TAFA1: variants seen among roughly 807,000 people sequenced by gnomAD.
The protein encoded by TAFA1 is chemokine-like protein TAFA-1.
A neutral mutation model predicts 18.5 loss-of-function variants in TAFA1; 4 were observed. The ratio of observed to expected loss-of-function variants is 0.22; its 90% CI spans 0.11 to 0.49. The LOEUF (loss-of-function observed/expected upper bound fraction) is 0.49, where lower values mean the gene tolerates loss of function less well. TAFA1 is among the 20% of genes least tolerant of loss of function. The pLI, the probability that TAFA1 is intolerant of heterozygous loss-of-function variation, is 0.98. For synonymous variants in TAFA1, 56 were observed against 55.2 expected, an observed-to-expected ratio of 1.01 and a Z score of -0.06; for missense variants, 147 against 169.0, an observed-to-expected ratio of 0.87 and a Z score of 0.72.
In TAFA1 at chr3:68,503,948, T is replaced by C. The variant is rs181664427; in HGVS notation, c.260-34808T>C. Among the ~76,000 whole-genome samples, 3 of 152,278 alleles carry C rather than the reference T, an allele frequency of 2.0e-5. No homozygotes were observed. In the East Asian group the frequency reaches 5.8e-4, roughly 29 times the overall value. ...TCATCATTATATTATCATAATCATATAATTTGGATAAACTTGGGAACCACA... is the reference window on the plus strand; with the variant it reads ...TCATCATTATATTATCATAATCATACAATTTGGATAAACTTGGGAACCACA... On this transcript the variant is annotated intron_variant, in intron 3 of 4. Transcript: ENST00000478136.
intron 2 of TAFA1, among the ~76,000 whole-genome samples, chr3:68,317,411 G>T (rs906923939): frequency 4.9e-4 from 75 of 152,260 alleles, no homozygotes; most frequent in African/African-American, 1.8e-3. Context: ...TAAGGCTAAA[G>T]AACCAACTTT....
chr3:68,082,186 C>A (rs947337275), intron 2 of TAFA1, among the ~76,000 whole-genome samples: 1 of 143,462 alleles, frequency 7.0e-6, no homozygotes, highest in Non-Finnish European at 1.5e-5. Flanking sequence ...GCATGGTGTG[C>A]GCACCCACTG....
At chr3:68,469,593 A>G (rs2106943822) in intron 3 of TAFA1, among the ~76,000 whole-genome samples, 1 of 152,292 alleles carries the variant, frequency 6.6e-6, no homozygotes, top group East Asian at 1.9e-4. Flanking sequence ...GAATGGCGTG[A>G]ACCCGGGAGG....
chr3:68,100,348 G>A (rs1050918774), intron 2 of TAFA1, among the ~76,000 whole-genome samples: 4 of 152,046 alleles, frequency 2.6e-5, no homozygotes, highest in African/African-American at 7.2e-5. Flanking sequence ...AGCCGGGCAT[G>A]GTGACAGGGC....
At chr3:68,250,529 G>T (rs538892465) in intron 2 of TAFA1, among the ~76,000 whole-genome samples, 2 of 152,010 alleles carry the variant, frequency 1.3e-5, no homozygotes, top group Non-Finnish European at 2.9e-5. Flanking sequence ...AGCTATCCAG[G>T]CTTCCTAGGA....
At chr3:68,483,899 G>A (rs575566727) in intron 3 of TAFA1, among the ~76,000 whole-genome samples, 4 of 152,338 alleles carry the variant, frequency 2.6e-5, no homozygotes, top group African/African-American at 9.6e-5. Flanking sequence ...TTTAGACTGA[G>A]GTATGAAGCT....
intron 2 of TAFA1, among the ~76,000 whole-genome samples, chr3:68,167,576 C>CA (rs11395399): frequency 0.14 from 3,782 of 27,670 alleles, 274 homozygotes; most frequent in African/African-American, 0.24. Flanking sequence ...GACTCCGTCT[C>CA]AAAAAAAAAA....
rs543697053 is a variant in TAFA1, at chr3:68,078,371, T to G, written c.118+71627T>G. Reference sequence around the variant, plus strand: ...TGTTGAATAGGAGTGGTGAGAGAGGTCATCCCTGTCTTGTGCCAGTTTTCA... The same window carrying G: ...TGTTGAATAGGAGTGGTGAGAGAGGGCATCCCTGTCTTGTGCCAGTTTTCA... On this transcript the variant is annotated intron_variant, in intron 2 of 4. Coordinates refer to ENST00000478136, the MANE Select transcript of TAFA1 (RefSeq NM_213609.4). Among the ~76,000 whole-genome samples, 968 of 152,022 alleles carry G rather than the reference T, an allele frequency of 6.4e-3. 21 individuals are homozygous for G. Among genetic ancestry groups the G allele is most frequent in the Admixed American group, 0.039 (593 of 15,222 alleles).
At chr3:68,388,390 C>T (rs1047947893) in intron 2 of TAFA1, among the ~76,000 whole-genome samples, 1 of 152,098 alleles carries the variant, frequency 6.6e-6, no homozygotes, top group Non-Finnish European at 1.5e-5. Context: ...TACACAGAGG[C>T]CTCAATGTGC....
chr3:68,298,386 G>A (rs1394336825), intron 2 of TAFA1, among the ~76,000 whole-genome samples: 1 of 152,194 alleles, frequency 6.6e-6, no homozygotes, highest in Non-Finnish European at 1.5e-5. Context: ...AGCCATTTGG[G>A]GAGGGGACAT....
intron 2 of TAFA1, among the ~76,000 whole-genome samples, chr3:68,014,463 A>G (rs1158144028): frequency 6.6e-6 from 1 of 152,326 alleles, no homozygotes; most frequent in East Asian, 1.9e-4. Flanking sequence ...AAAGAGCACC[A>G]GAGTAGGAGT....
At chr3:68,415,158 G>T (rs1481588154) in intron 2 of TAFA1, among the ~76,000 whole-genome samples, 1 of 152,104 alleles carries the variant, frequency 6.6e-6, no homozygotes, top group East Asian at 1.9e-4. Flanking sequence ...TGTTTTGCAC[G>T]AGCCATTTAT....
intron 3 of TAFA1, among the ~76,000 whole-genome samples, chr3:68,525,797 C>G (rs978402311): frequency 2.0e-5 from 3 of 152,034 alleles, no homozygotes; most frequent in Admixed American, 2.0e-4. Flanking sequence ...ATCAGTCTCC[C>G]CTAGAGACTG....
At chr3:68,261,110 G>C (rs1191106883) in intron 2 of TAFA1, among the ~76,000 whole-genome samples, 2 of 151,932 alleles carry the variant, frequency 1.3e-5, no homozygotes, top group African/African-American at 4.8e-5. Context: ...CGAAGGATAT[G>C]AACAGACACT....
chr3:68,372,923 A>C (rs1217600487), intron 2 of TAFA1, among the ~76,000 whole-genome samples: 1 of 152,186 alleles, frequency 6.6e-6, no homozygotes, highest in Non-Finnish European at 1.5e-5. Context: ...ATTGCATTTA[A>C]AACGATAGTA....
chr3:68,459,135 G>A (rs2106917200), intron 3 of TAFA1, among the ~76,000 whole-genome samples: 1 of 152,266 alleles, frequency 6.6e-6, no homozygotes, highest in East Asian at 1.9e-4. Flanking sequence ...GGTGCTCCCT[G>A]GGAGGGGGGT....
At chr3:68,073,516 C>T (rs1235894117) in intron 2 of TAFA1, among the ~76,000 whole-genome samples, 1 of 152,202 alleles carries the variant, frequency 6.6e-6, no homozygotes, top group Non-Finnish European at 1.5e-5. Context: ...AAATATAGCA[C>T]TATGAGGGTG....
chr3:68,047,673 T>C (rs2106694226), intron 2 of TAFA1, among the ~76,000 whole-genome samples: 1 of 152,272 alleles, frequency 6.6e-6, no homozygotes, highest in East Asian at 1.9e-4. Context: ...GAGGGATATA[T>C]TGGCAATATT....
chr3:68,299,941 G>A (rs1280889391), intron 2 of TAFA1, among the ~76,000 whole-genome samples: 1 of 152,246 alleles, frequency 6.6e-6, no homozygotes, highest in Non-Finnish European at 1.5e-5. Context: ...CTACCTAAAT[G>A]TCCAGGAGAA....
Sources: gnomAD v4.1 joint callset for allele counts (sites outside exome capture counted in the v4.1 genomes callset) on GRCh38, gnomAD v4.1.1 for gene constraint, MANE v1.5 for transcripts, NCBI Gene and HGNC (gene_info 2026-07-23, HGNC 2026-07-21) for gene names.